The following TRDN variants were observed in gnomAD, a reference collection of about 807,000 sequenced individuals.
The protein encoded by TRDN is triadin in skeletal muscle.
TRDN carries 161 observed loss-of-function variants against 149.7 expected under a neutral mutation model. The ratio of observed to expected loss-of-function variants is 1.08; its 90% CI spans 0.95 to 1.23. The LOEUF (loss-of-function observed/expected upper bound fraction) is 1.23, where lower values mean the gene tolerates loss of function less well. Ranked by LOEUF, TRDN falls within the 50% of genes most tolerant of loss-of-function variation. TRDN has a pLI of 0.00. For synonymous variants in TRDN, 294 were observed against 250.5 expected, an observed-to-expected ratio of 1.17 and a Z score of -1.64; for missense variants, 896 against 823.5, an observed-to-expected ratio of 1.09 and a Z score of -1.08.
chr6:123,525,420 G>A (rs1240438531), intron 5 of TRDN, among the ~76,000 whole-genome samples: 1 of 152,028 alleles, frequency 6.6e-6, no homozygotes, highest in Non-Finnish European at 1.5e-5. Flanking sequence ...GGATAGAGCG[G>A]GAGGCCATTA....
chr6:123,363,004 G>A (rs1415703919), intron 20 of TRDN, among the ~76,000 whole-genome samples: 1 of 151,950 alleles, frequency 6.6e-6, no homozygotes, highest in Non-Finnish European at 1.5e-5. Context: ...CTTAAAAGTA[G>A]GCTTAAGATA....
chr6:123,422,794 G>C (rs1384901738), intron 12 of TRDN, among the ~76,000 whole-genome samples: 1 of 152,040 alleles, frequency 6.6e-6, no homozygotes, highest in East Asian at 1.9e-4. Flanking sequence ...TATTACCTAA[G>C]GTTAAATTCT....
Position 123,352,519 on chromosome 6 carries a change from C to A in TRDN, c.1369+20G>T, listed in dbSNP as rs1429384127. 1 of 1,609,028 alleles carries A rather than the reference C, an allele frequency of 6.2e-7. No homozygotes were observed. Among genetic ancestry groups the A allele is most frequent in the Non-Finnish European group, 8.5e-7 (1 of 1,177,590 alleles). ...GTCTTTCTAAAGAAGATAATGTCAACCTCCTTCATTTTTTTTTACCTTGCT... is the reference window on the plus strand; with the variant it reads ...GTCTTTCTAAAGAAGATAATGTCAAACTCCTTCATTTTTTTTTACCTTGCT... On this transcript the variant is annotated intron_variant, in intron 21 of 40. Transcript: ENST00000334268.
chr6:123,556,701 ACT>A (rs879855759), intron 2 of TRDN, among the ~76,000 whole-genome samples: 29 of 146,794 alleles, frequency 2.0e-4, no homozygotes, highest in Non-Finnish European at 3.9e-4. Flanking sequence ...AATCTCACTC[ACT>A]CTCTCTCCTT....
intron 1 of TRDN, among the ~76,000 whole-genome samples, chr6:123,574,857 C>CATATATATATATATATATATAT (rs1162190609): frequency 2.0e-5 from 1 of 50,562 alleles, no homozygotes; most frequent in Non-Finnish European, 3.7e-5. Flanking sequence ...TTTATATATA[C>CATATATATATATATATATATAT]ATATATATAT....
At chr6:123,410,002 G>A (rs1339768134) in intron 12 of TRDN, among the ~76,000 whole-genome samples, 1 of 152,110 alleles carries the variant, frequency 6.6e-6, no homozygotes, top group East Asian at 1.9e-4. Flanking sequence ...TGGAGCAAAG[G>A]GCGATGAAAG....
At chr6:123,292,361 A>G (rs1225100841) in intron 24 of TRDN, among the ~76,000 whole-genome samples, 2 of 152,102 alleles carry the variant, frequency 1.3e-5, no homozygotes, top group Non-Finnish European at 2.9e-5. Flanking sequence ...CCTTTTTAGC[A>G]GTGTGGGAGC....
intron 1 of TRDN, among the ~76,000 whole-genome samples, chr6:123,620,424 A>G (rs746069047): frequency 2.0e-5 from 3 of 152,102 alleles, no homozygotes; most frequent in Non-Finnish European, 4.4e-5. Flanking sequence ...CTTATTCGGA[A>G]TTTTCTCAAA....
chr6:123,440,659 A>G (rs1206105162), intron 10 of TRDN, among the ~76,000 whole-genome samples: 2 of 152,172 alleles, frequency 1.3e-5, no homozygotes, highest in East Asian at 3.8e-4. Flanking sequence ...ATAAGATCAG[A>G]ACTCAGTATC....
chr6:123,299,383 A>G (rs1192077363), intron 24 of TRDN, among the ~76,000 whole-genome samples: 1 of 152,074 alleles, frequency 6.6e-6, no homozygotes, highest in Non-Finnish European at 1.5e-5. Flanking sequence ...CATCCATATC[A>G]GCACCTGGGC....
intron 38 of TRDN, among the ~76,000 whole-genome samples, chr6:123,232,305 T>C (rs1411698302): frequency 6.6e-6 from 1 of 151,734 alleles, no homozygotes; most frequent in Admixed American, 6.6e-5. Context: ...AGGTTAACAA[T>C]AGGGGAGAAG....
chr6:123,533,097 C>T (rs1194171032), intron 4 of TRDN, among the ~76,000 whole-genome samples: 1 of 151,966 alleles, frequency 6.6e-6, no homozygotes, highest in Non-Finnish European at 1.5e-5. Flanking sequence ...AAGGGAGTTG[C>T]CTTTAAGAGA....
At chr6:123,223,676 C>T (rs117400142) in intron 39 of TRDN, among the ~76,000 whole-genome samples, 4 of 102,156 alleles carry the variant, frequency 3.9e-5, no homozygotes, top group East Asian at 5.1e-4. Flanking sequence ...TCCATTTCTT[C>T]CTTCCTTCCT....
intron 38 of TRDN, among the ~76,000 whole-genome samples, chr6:123,230,623 T>C (rs62418717): frequency 1.3e-5 from 2 of 151,626 alleles, no homozygotes; most frequent in Non-Finnish European, 1.5e-5. Context: ...ACCCTTATCA[T>C]ATATTTGCAA....
intron 22 of TRDN, among the ~76,000 whole-genome samples, chr6:123,336,652 C>T (rs1446763084): frequency 6.6e-6 from 1 of 151,578 alleles, no homozygotes. Flanking sequence ...GCTTTTTTTG[C>T]ATCCTTTGTG....
chr6:123,613,679 A>G (rs1164195572), intron 1 of TRDN, among the ~76,000 whole-genome samples: 2 of 152,208 alleles, frequency 1.3e-5, no homozygotes, highest in African/African-American at 2.4e-5. Flanking sequence ...CATCAAAATA[A>G]AATGTCTTAC....
chr6:123,484,666 G>A (rs1777902494), intron 9 of TRDN, among the ~76,000 whole-genome samples: 1 of 152,116 alleles, frequency 6.6e-6, no homozygotes, highest in South Asian at 2.1e-4. Flanking sequence ...GCCATTAATA[G>A]TGACAAAGCT....
At chr6:123,235,590 A>T (rs1162191301) in intron 38 of TRDN, among the ~76,000 whole-genome samples, 1 of 152,262 alleles carries the variant, frequency 6.6e-6, no homozygotes, top group South Asian at 2.1e-4. Context: ...TCACACAGTA[A>T]ATTGAGTTTT....
chr6:123,356,503 TTATATATATA>T lies in TRDN; in HGVS notation c.1322-3927_1322-3918del, dbSNP rs71021444. Among the ~76,000 whole-genome samples the T allele has an allele frequency of 8.4e-3, 895 of 106,926 alleles. 10 individuals are homozygous for T. The highest frequency in any genetic ancestry group is 0.023 in the African/African-American group (646 of 27,490). The allele number at this position is 106,926 out of a possible 152,430, so 70.1% of individuals were successfully genotyped here. On this transcript the variant is annotated intron_variant, in intron 20 of 40. Coordinates refer to ENST00000334268, the MANE Select transcript of TRDN (RefSeq NM_006073.4). ...CTATGCCTCTAGGTTTACAAGAAGT[TTATATATATA>T]TATATATATATATATATATATATAT...
Sources: allele counts gnomAD v4.1 joint callset (sites outside exome capture counted in the v4.1 genomes callset), GRCh38; gene constraint gnomAD v4.1.1; transcripts MANE v1.5; gene names NCBI Gene and HGNC (gene_info 2026-07-23, HGNC 2026-07-21).